The following TNKS1BP1 variants were observed in gnomAD, a reference collection of about 807,000 sequenced individuals.
TNKS1BP1 encodes the protein 182 kDa tankyrase-1-binding protein.
Under a neutral mutation model 141.1 loss-of-function variants are expected in TNKS1BP1, and 48 were observed. That is an observed-to-expected ratio of 0.34 (90% CI 0.27 to 0.43). The LOEUF is 0.43. Ranked by LOEUF, TNKS1BP1 falls within the 20% of genes least tolerant of loss-of-function variation. TNKS1BP1 has a pLI of 1.00. For synonymous variants in TNKS1BP1, 875 were observed against 898.2 expected, an observed-to-expected ratio of 0.97 and a Z score of 0.46; for missense variants, 2,149 against 2,226.0, an observed-to-expected ratio of 0.97 and a Z score of 0.70.
intron 6 of TNKS1BP1, among the ~76,000 whole-genome samples, chr11:57,307,895 A>T (rs1344614529): frequency 6.6e-6 from 1 of 152,236 alleles, no homozygotes; most frequent in African/African-American, 2.4e-5. Context: ...GCTTCAAGAC[A>T]GGACAGGCAA....
At position 57,302,482 on chromosome 11, in the gene TNKS1BP1, T is replaced by C. The variant is rs1389824775; in HGVS notation, c.4660A>G (p.Ser1554Gly). 2.5e-6 allele frequency: 4 copies of C among 1,604,574 alleles called. No individual in the cohort carries two copies. The highest frequency in any genetic ancestry group is 2.2e-5 in the East Asian group (1 of 44,618). Residue 1554 changes from serine to glycine, a missense_variant, in exon 7 of 12, where the codon AGT becomes GGT. Transcript: ENST00000358252. This position sits in a 1 kb window ranked among gnomAD's most constrained non-coding sequence, Gnocchi z 5.5. Reference sequence around the variant, plus strand: ...ACCTCAATGAAGGAGAAGTCCTGACTGGGGGATCTGGCAGGAGGGCCTTGG... The same window carrying C: ...ACCTCAATGAAGGAGAAGTCCTGACCGGGGGATCTGGCAGGAGGGCCTTGG... ...PSQGPPARSP[S>G]QDFSFIEDTE... is the part of the protein sequence containing the mutation.
chr11:57,301,001 T>A lies in TNKS1BP1; in HGVS notation c.5012A>T (p.Glu1671Val). The A allele has an allele frequency of 6.2e-7, 1 of 1,613,834 alleles. No individual in the cohort carries two copies. The highest frequency in any genetic ancestry group is 8.5e-7 in the Non-Finnish European group (1 of 1,179,950). Reference protein sequence around the residue: ...RPRNRSAEEGELAESKSSQKE... With the variant: ...RPRNRSAEEGVLAESKSSQKE... Reference sequence around the variant, plus strand: ...CTGGCTCGACTTGCTCTCAGCCAGCTCTCCCTCCTCAGCTGAGCGATTCCG... The same window carrying A: ...CTGGCTCGACTTGCTCTCAGCCAGCACTCCCTCCTCAGCTGAGCGATTCCG... Residue 1671 changes from glutamate to valine, a missense_variant, in exon 10 of 12, where the codon GAG becomes GTG. Physicochemically the swap from Glu to Val is moderately radical, Grantham distance 121. Transcript: ENST00000358252.
At chr11:57,303,044 G>T in intron 6 of TNKS1BP1, 1 of 478,788 alleles carries the variant, frequency 2.1e-6, no homozygotes, top group East Asian at 3.2e-5. Flanking sequence ...GAGACCTCGG[G>T]TGAGCCCCCT....
intron 1 of TNKS1BP1, among the ~76,000 whole-genome samples, chr11:57,322,529 C>T (rs2134377924): frequency 6.6e-6 from 1 of 152,302 alleles, no homozygotes; most frequent in African/African-American, 2.4e-5. Context: ...CTGTCTCATC[C>T]AAACACGGAA....
chr11:57,305,099 G>C (rs1237131185), intron 6 of TNKS1BP1, among the ~76,000 whole-genome samples: 1 of 152,052 alleles, frequency 6.6e-6, no homozygotes, highest in Non-Finnish European at 1.5e-5. Flanking sequence ...TCATGTATAA[G>C]CTGAGCCCCT....
chr11:57,321,234 C>T (rs1855881095), intron 2 of TNKS1BP1, among the ~76,000 whole-genome samples: 2 of 152,238 alleles, frequency 1.3e-5, no homozygotes, highest in Admixed American at 1.3e-4. Context: ...TCCCAGGCCA[C>T]CTCCCCACTG....
rs144560116 is a variant in TNKS1BP1 at position 57,308,399 on chromosome 11, C to T, written c.4312G>A (p.Ala1438Thr). The T allele has an allele frequency of 3.1e-6, 5 of 1,612,600 alleles. No homozygotes were observed. The highest frequency in any genetic ancestry group is 2.2e-5 in the East Asian group (1 of 44,852). The change falls in exon 6 of 12, where the codon GCA becomes ACA. Residue 1438 changes from alanine (A) to threonine (T), a missense_variant. Transcript: ENST00000358252. ...GGATGGGGCTCCGTTCATTACCTTG[C>T]TCCGAAGCTGAGGGCTTCTCCTGTC... ...METGEALSFGASPGRCPARPP... is the reference protein window; with the variant it reads ...METGEALSFGTSPGRCPARPP...
At chr11:57,310,666 C>G (rs533891104) in intron 5 of TNKS1BP1, 110 bp from the exon 6 acceptor site, 2 of 1,403,922 alleles carry the variant, frequency 1.4e-6, no homozygotes, top group Admixed American at 2.4e-5. Context: ...CCCACTTTGG[C>G]AACAGAAAGC....
At chr11:57,324,579 GC>G (rs1184323988) in intron 1 of TNKS1BP1, among the ~76,000 whole-genome samples, 2 of 20,236 alleles carry the variant, frequency 9.9e-5, no homozygotes, top group Non-Finnish European at 2.0e-4. Flanking sequence ...CCAAGCCCTC[GC>G]CCCCTCCCCC....
At chr11:57,315,590 G>A (rs925578679) in intron 4 of TNKS1BP1, among the ~76,000 whole-genome samples, 4 of 151,984 alleles carry the variant, frequency 2.6e-5, no homozygotes, top group Middle Eastern at 6.8e-3. Flanking sequence ...AGAATCCCAC[G>A]GCACTCCCCC....
At position 57,313,448 on chromosome 11, in the gene TNKS1BP1, C is replaced by T. The variant is rs754215984; in HGVS notation, c.1240G>A (p.Gly414Ser). 1.0e-5 allele frequency: 16 copies of T among 1,601,566 alleles called. No homozygotes were observed. The highest frequency in any genetic ancestry group is 1.4e-5 in the Non-Finnish European group (16 of 1,173,064). Residue 414 changes from glycine (G) to serine (S), a missense_variant, in exon 5 of 12, where the codon GGT (glycine) becomes AGT (serine). Coordinates refer to ENST00000358252, the MANE Select transcript of TNKS1BP1 (RefSeq NM_033396.3). ...FPSGGEEEAKGDAHLRPTSLV... is the reference protein window; with the variant it reads ...FPSGGEEEAKSDAHLRPTSLV... ...CTGGTGGGGCGGAGGTGTGCGTCAC[C>T]CTTGGCCTCCTCCTCCCCGCCAGAT...
Position 57,302,987 on chromosome 11 carries a change from C to A in TNKS1BP1, c.4317-162G>T. 3 of 834,446 alleles carry A rather than the reference C, an allele frequency of 3.6e-6. No individual in the cohort carries two copies. The highest frequency in any genetic ancestry group is 5.2e-6 in the Non-Finnish European group (3 of 577,326). The allele number at this position is 834,446 out of a possible 1,614,324, so 51.7% of individuals were successfully genotyped here. On this transcript the variant is annotated intron_variant, in intron 6 of 11. Coordinates refer to ENST00000358252, the MANE Select transcript of TNKS1BP1 (RefSeq NM_033396.3). The surrounding 1 kb of genome is among the most constrained non-coding windows in gnomAD (Gnocchi z 5.5). ...GACACGGTCAGGGCCTTGAGCAACACAGCACACAGGTGAAGAGCTGAGCCA... is the reference window on the plus strand; with the variant it reads ...GACACGGTCAGGGCCTTGAGCAACAAAGCACACAGGTGAAGAGCTGAGCCA...
Position 57,313,901 on chromosome 11 carries a change from A to C in TNKS1BP1, c.799-12T>G. 1 of 1,489,594 alleles carries C rather than the reference A, an allele frequency of 6.7e-7. No individual in the cohort carries two copies. The highest frequency in any genetic ancestry group is 1.4e-5 in the African/African-American group (1 of 70,926). The allele number at this position is 1,489,594 out of a possible 1,614,324, so 92.3% of individuals were successfully genotyped here. On this transcript the variant is annotated splice_polypyrimidine_tract_variant and intron_variant, in intron 4 of 11. Transcript: ENST00000358252. The stretch of plus-strand genomic sequence containing the variant: ...CAGGGCTTGGAAATCTGCAAGAGAA[A>C]GAAAGGTCAAGATCCGTCACTCACC...
rs150046410 is a variant in TNKS1BP1 at position 57,309,238 on chromosome 11, G to C, written c.3473C>G (p.Ser1158Trp). The C allele has an allele frequency of 6.2e-7, 1 of 1,614,140 alleles. No homozygotes were observed. The highest frequency in any genetic ancestry group is 1.1e-5 in the South Asian group (1 of 91,076). The change falls in exon 6 of 12, where the codon TCG becomes TGG. Residue 1158 changes from serine (S) to tryptophan (W), a missense_variant. Ser to Trp is a radical substitution (Grantham distance 177). Coordinates refer to ENST00000358252, the MANE Select transcript of TNKS1BP1 (RefSeq NM_033396.3). This position sits in a 1 kb window ranked among gnomAD's most constrained non-coding sequence, Gnocchi z 4.3. Reference sequence around the variant, plus strand: ...ACCCAGCTGGTCAGTCCAGTCCACCGAGCCAGCTGTGGTCTTCCCAGGAGG... The same window carrying C: ...ACCCAGCTGGTCAGTCCAGTCCACCCAGCCAGCTGTGGTCTTCCCAGGAGG... ...FVPPGKTTAG[S>W]VDWTDQLGLR... is the part of the protein sequence containing the mutation.
Position 57,309,502 on chromosome 11 carries a change from C to A in TNKS1BP1, c.3209G>T (p.Gly1070Val). ...HQERQQAGAQ[G>V]PGSADLEDGE... ...ATCTTCCAGGTCAGCACTGCCAGGG[C>A]CCTGAGCCCCTGCCTGCTGTCTCTC... Residue 1070 changes from glycine (G) to valine (V), a missense_variant, in exon 6 of 12, where the codon GGC (glycine) becomes GTC (valine). By Grantham distance (109) the Gly-to-Val change is moderately radical. Transcript: ENST00000358252. The surrounding 1 kb of genome is among the most constrained non-coding windows in gnomAD (Gnocchi z 4.3). 1 of 1,613,838 alleles carries A rather than the reference C, an allele frequency of 6.2e-7. No homozygotes were observed. The highest frequency in any genetic ancestry group is 8.5e-7 in the Non-Finnish European group (1 of 1,180,034).
In TNKS1BP1 at chr11:57,310,403, C is replaced by T. The variant is rs79359831; in HGVS notation, c.2308G>A (p.Gly770Arg). The T allele has an allele frequency of 1.8e-3, 2,879 of 1,614,018 alleles. 49 individuals carry two copies. In the African/African-American group the frequency reaches 0.032, roughly 18 times the overall value. ...TACTTGCTGGTCCAGTCCCTCTCTC[C>T]GAGACCTGGGTCTCCTCTAGGGCTT... ...GASPRGDPGL[G>R]ERDWTSKYGQ... is the part of the protein sequence containing the mutation. Residue 770 changes from glycine to arginine, a missense_variant, in exon 6 of 12, where the codon GGA (glycine) becomes AGA (arginine). Gly to Arg is a moderately radical substitution (Grantham distance 125). Coordinates refer to ENST00000358252, the MANE Select transcript of TNKS1BP1 (RefSeq NM_033396.3).
Position 57,300,508 on chromosome 11 carries a change from GCCCAGGAACCTGT to G in TNKS1BP1, c.*12+7_*12+19del. Reference sequence around the variant, plus strand: ...CAGGCCCTCCTCAGACTGGATCCAAGCCCAGGAACCTGTCCTCACCTCAGTGACTTCTCAGACC... The same window carrying G: ...CAGGCCCTCCTCAGACTGGATCCAAGCCTCACCTCAGTGACTTCTCAGACC... On this transcript the variant is annotated splice_region_variant and intron_variant, in intron 11 of 11. Transcript: ENST00000358252. The G allele has an allele frequency of 6.2e-7, 1 of 1,613,558 alleles. No homozygotes were observed. The highest frequency in any genetic ancestry group is 1.1e-5 in the South Asian group (1 of 91,062).
chr11:57,301,617 T>C (rs1269919702), intron 9 of TNKS1BP1, among the ~76,000 whole-genome samples, 190 bp downstream of exon 9: 1 of 152,086 alleles, frequency 6.6e-6, no homozygotes, highest in Non-Finnish European at 1.5e-5. Flanking sequence ...TCCATCCCAT[T>C]TGGCACACAG....
intron 3 of TNKS1BP1, among the ~76,000 whole-genome samples, chr11:57,318,972 A>G (rs1294623132): frequency 1.3e-5 from 2 of 152,000 alleles, no homozygotes; most frequent in Middle Eastern, 3.4e-3. Context: ...GTGAAACCCC[A>G]TCTCTACTAA....
Sources: allele counts gnomAD v4.1 joint callset (sites outside exome capture counted in the v4.1 genomes callset), GRCh38; gene constraint gnomAD v4.1.1; non-coding constraint Gnocchi (gnomAD v3.1); transcripts MANE v1.5; gene names NCBI Gene and HGNC (gene_info 2026-07-23, HGNC 2026-07-21).